The following ZNF525 variants were observed in gnomAD, a reference collection of about 807,000 sequenced individuals.
The protein encoded by ZNF525 is zinc finger protein 525.
In ZNF525, 33 loss-of-function variants were observed where a neutral mutation model predicts 37.6. That is an observed-to-expected ratio of 0.88 (90% CI 0.67 to 1.17). The LOEUF (loss-of-function observed/expected upper bound fraction) is 1.17. Ranked by LOEUF, ZNF525 falls within the 50% of genes most tolerant of loss-of-function variation. The probability of loss-of-function intolerance (pLI) is 0.00; values close to 1 mark genes in which losing one functional copy is unlikely to be tolerated. For synonymous variants in ZNF525, 170 were observed against 182.3 expected, an observed-to-expected ratio of 0.93 and a Z score of 0.54; for missense variants, 449 against 543.1, an observed-to-expected ratio of 0.83 and a Z score of 1.72.
intron 1 of ZNF525, among the ~76,000 whole-genome samples, chr19:53,368,783 A>T (rs1041510175): frequency 1.3e-5 from 2 of 152,142 alleles, no homozygotes; most frequent in Non-Finnish European, 2.9e-5. Flanking sequence ...TGGAGACATG[A>T]ATGGGGTAAC....
At chr19:53,376,236 A>C (rs529717940) in intron 3 of ZNF525, 4 of 706,666 alleles carry the variant, frequency 5.7e-6, no homozygotes, top group East Asian at 5.4e-5. Context: ...CAACCCCCGT[A>C]CCTAACTATT....
At chr19:53,372,372 A>G (rs1439419921) in intron 2 of ZNF525, 76 bp downstream of exon 2, 13 of 744,286 alleles carry the variant, frequency 1.7e-5, no homozygotes, top group Admixed American at 7.5e-5. Context: ...GGAATCTTCT[A>G]AGTCTGAAGC....
intron 1 of ZNF525, among the ~76,000 whole-genome samples, chr19:53,368,036 A>G (rs1036987331): frequency 3.4e-5 from 5 of 149,028 alleles, no homozygotes; most frequent in South Asian, 4.4e-4. Flanking sequence ...TCTTATGTCT[A>G]TATCTCTTTT....
Position 53,383,164 on chromosome 19 carries a change from G to T in ZNF525, c.*1145G>T. 7.5e-7 allele frequency: 1 copy of T among 1,330,494 alleles called. No individual in the cohort carries two copies. Among genetic ancestry groups the T allele is most frequent in the Non-Finnish European group, 1.1e-6 (1 of 945,534 alleles). 82.4% of individuals were successfully genotyped at this position (1,330,494 alleles called of 1,614,324 possible). A position where few individuals can be genotyped will look rare whatever the true frequency, so the allele number is the denominator to read the frequency against. ...GAGAGAAACATTACAAGTGTAATGA[G>T]TGTGGCAAGACCTACTCTCACAATT... On this transcript the variant is annotated 3_prime_UTR_variant, in exon 4 of 4. Transcript: ENST00000474037.
In ZNF525 at chr19:53,380,738, C is replaced by T. The variant is rs1303147635; in HGVS notation, c.159C>T (p.Cys53=). The T allele has an allele frequency of 2.4e-6, 3 of 1,234,970 alleles. No homozygotes were observed. The highest frequency in any genetic ancestry group is 3.5e-6 in the Non-Finnish European group (3 of 846,310). 76.5% of individuals were successfully genotyped at this position (1,234,970 alleles called of 1,614,324 possible). Residue 53 remains cysteine (C), a synonymous_variant, in exon 4 of 4, where the codon TGC becomes TGT. Coordinates refer to ENST00000474037, the MANE Select transcript of ZNF525 (RefSeq NM_001348156.2). ...ATTTTGTAGGTATCTCTTCCAAATG[C>T]ACAATGAAGGAGTTCTCATCAACAG... ...NLVSLGISSK[C]TMKEFSSTAQ... is the part of the protein sequence containing the mutation.
chr19:53,379,199 T>G (rs1165009681), intron 3 of ZNF525, among the ~76,000 whole-genome samples: 17 of 152,124 alleles, frequency 1.1e-4, no homozygotes, highest in Admixed American at 1.1e-3. Flanking sequence ...CACCACAAAC[T>G]CTACCTCCTG....
intron 2 of ZNF525, among the ~76,000 whole-genome samples, chr19:53,375,077 G>C (rs995260887): frequency 5.3e-5 from 8 of 151,342 alleles, no homozygotes; most frequent in African/African-American, 1.9e-4. Context: ...CTGTTGCCCT[G>C]GCTGGATTGG....
chr19:53,375,041 AT>A (rs977598241), intron 2 of ZNF525, among the ~76,000 whole-genome samples: 128 of 145,096 alleles, frequency 8.8e-4, no homozygotes, highest in Middle Eastern at 3.5e-3. Flanking sequence ...TGCCCAGCTA[AT>A]TTTTTTTTTT....
intron 3 of ZNF525, among the ~76,000 whole-genome samples, chr19:53,378,840 GA>G (rs1216572344): frequency 6.6e-6 from 1 of 152,204 alleles, no homozygotes; most frequent in African/African-American, 2.4e-5. Context: ...TGGAGAATAA[GA>G]ACTCTGAACA....
intron 3 of ZNF525, chr19:53,376,257 T>G (rs866143830): frequency 5.7e-6 from 4 of 704,556 alleles, no homozygotes; most frequent in Non-Finnish European, 1.0e-5. Context: ...GGCTTTTGTT[T>G]TTAAACTTTT....
rs184732580 is a variant in ZNF525, at chr19:53,381,086, C to T, written c.507C>T (p.Asn169=). The change falls in exon 4 of 4, where the codon AAC becomes AAT. Residue 169 remains asparagine, a synonymous_variant. Coordinates refer to ENST00000474037, the MANE Select transcript of ZNF525 (RefSeq NM_001348156.2). ...KINNQVEKSI[N]DASSVSTAQR... ...ATAATCAAGTGGAGAAGTCTATCAACGATGCTTCCTCGGTTTCAACAGCCC... is the reference window on the plus strand; with the variant it reads ...ATAATCAAGTGGAGAAGTCTATCAATGATGCTTCCTCGGTTTCAACAGCCC... 7.2e-5 allele frequency: 107 copies of T among 1,483,476 alleles called. No individual in the cohort carries two copies. The highest frequency in any genetic ancestry group is 7.0e-4 in the African/African-American group (51 of 72,358). The allele number at this position is 1,483,476 out of a possible 1,614,324, so 91.9% of individuals were successfully genotyped here.
At chr19:53,371,198 CTTT>C (rs1243106422) in intron 1 of ZNF525, among the ~76,000 whole-genome samples, 270 of 123,550 alleles carry the variant, frequency 2.2e-3, no homozygotes, top group Middle Eastern at 0.013. Flanking sequence ...ATCAGAAACG[CTTT>C]TTTTTTTTTT....
intron 3 of ZNF525, among the ~76,000 whole-genome samples, chr19:53,378,519 G>A (rs1235413752): frequency 3.3e-5 from 5 of 152,128 alleles, no homozygotes; most frequent in African/African-American, 4.8e-5. Flanking sequence ...GTGATAGAGC[G>A]TGACTCGGTC....
At position 53,385,016 on chromosome 19, in the gene ZNF525, C is replaced by A. The variant is rs1311701007; in HGVS notation, c.*2997C>A. ...TTGAATTTTGTGGAACGCTTTTTCT[C>A]CATCTACTAAGGTGATGTGGTTTTA... On this transcript the variant is annotated 3_prime_UTR_variant, in exon 4 of 4. Coordinates refer to ENST00000474037, the MANE Select transcript of ZNF525 (RefSeq NM_001348156.2). 2 of 701,600 alleles carry A rather than the reference C, an allele frequency of 2.9e-6. No individual in the cohort carries two copies. Among genetic ancestry groups the A allele is most frequent in the South Asian group, 1.5e-5 (1 of 67,310 alleles). The allele number at this position is 701,600 out of a possible 1,614,324, so 43.5% of individuals were successfully genotyped here.
At chr19:53,376,837 G>A (rs1018979797) in intron 3 of ZNF525, among the ~76,000 whole-genome samples, 2 of 152,150 alleles carry the variant, frequency 1.3e-5, no homozygotes, top group African/African-American at 2.4e-5. Context: ...AGACACGGTC[G>A]TGGGTGCCTG....
intron 3 of ZNF525, among the ~76,000 whole-genome samples, chr19:53,379,107 A>G (rs1273953490): frequency 1.3e-5 from 2 of 150,452 alleles, no homozygotes. Flanking sequence ...CTCCGGCACT[A>G]TTAGTCAATT....
At position 53,381,358 on chromosome 19, in the gene ZNF525, G is replaced by A. The variant is rs757154677; in HGVS notation, c.779G>A (p.Arg260His). 14 of 1,594,598 alleles carry A rather than the reference G, an allele frequency of 8.8e-6. No individual in the cohort carries two copies. Among genetic ancestry groups the A allele is most frequent in the South Asian group, 6.6e-5 (6 of 90,682 alleles). Residue 260 changes from arginine (R) to histidine (H), a missense_variant, in exon 4 of 4, where the codon CGC becomes CAC. Arg to His is a conservative substitution (Grantham distance 29, BLOSUM62 0). This residue lies in a region of ZNF525 where 271 missense variants were observed against 381.6 expected (regional missense o/e 0.71). Transcript: ENST00000474037. Reference sequence around the variant, plus strand: ...TTTATTCGGAAGCGATACCTTGCACGCCATCGTAGATGTCACACTGGTGAG... The same window carrying A: ...TTTATTCGGAAGCGATACCTTGCACACCATCGTAGATGTCACACTGGTGAG... ...KVFIRKRYLA[R>H]HRRCHTGEKP...
At chr19:53,380,605 GC>G in intron 3 of ZNF525, 116 bp from the exon 4 acceptor site, 1 of 580,356 alleles carries the variant, frequency 1.7e-6, no homozygotes, top group East Asian at 2.8e-5. Context: ...ACATGTAATC[GC>G]CCTTTATTTA....
At chr19:53,368,757 G>T (rs892987671) in intron 1 of ZNF525, among the ~76,000 whole-genome samples, 3 of 152,164 alleles carry the variant, frequency 2.0e-5, no homozygotes, top group African/African-American at 7.2e-5. Flanking sequence ...TAGGTAGGTT[G>T]CTGGGTAGGT....
Sources: gnomAD v4.1 joint callset for allele counts (sites outside exome capture counted in the v4.1 genomes callset) on GRCh38, gnomAD v4.1.1 for gene constraint, gnomAD v4.1.1 regional missense constraint, MANE v1.5 for transcripts, NCBI Gene and HGNC (gene_info 2026-07-23, HGNC 2026-07-21) for gene names.